SRBD1: variants seen among roughly 807,000 people sequenced by gnomAD.
SRBD1 encodes the protein S1 RNA-binding domain-containing protein 1.
Under a neutral mutation model 115.3 loss-of-function variants are expected in SRBD1, and 88 were observed. That is an observed-to-expected ratio of 0.76 (90% CI 0.64 to 0.91). SRBD1 has a LOEUF of 0.91. Ranked by LOEUF, SRBD1 falls within the 40% of genes least tolerant of loss-of-function variation. The probability of loss-of-function intolerance (pLI) is 0.00; values close to 1 mark genes in which losing one functional copy is unlikely to be tolerated. For missense variants in SRBD1, 1,385 were observed against 1,177.4 expected, an observed-to-expected ratio of 1.18 and a Z score of -2.58; for synonymous variants, 509 against 407.7, an observed-to-expected ratio of 1.25 and a Z score of -2.99.
intron 16 of SRBD1, among the ~76,000 whole-genome samples, chr2:45,457,791 C>T (rs904050397): frequency 6.6e-6 from 1 of 151,930 alleles, no homozygotes. Context: ...AGAAATTTGA[C>T]ACGTGCATTT....
intron 16 of SRBD1, among the ~76,000 whole-genome samples, chr2:45,463,028 G>A (rs924019115): frequency 1.2e-5 from 1 of 84,640 alleles, no homozygotes; most frequent in Non-Finnish European, 2.2e-5. Context: ...GGGGGGGGGG[G>A]GGGAAATCTC....
intron 14 of SRBD1, among the ~76,000 whole-genome samples, chr2:45,537,635 G>C (rs981491863): frequency 2.0e-5 from 3 of 152,148 alleles, no homozygotes; most frequent in African/African-American, 7.2e-5. Context: ...TGGGGGGAGG[G>C]ACAAGAGTTA....
chr2:45,510,517 A>G (rs150671916), intron 14 of SRBD1, among the ~76,000 whole-genome samples: 249 of 152,318 alleles, frequency 1.6e-3, no homozygotes, highest in African/African-American at 5.7e-3. Context: ...TGAGGCTCCT[A>G]TGAAAAAAAC....
intron 9 of SRBD1, among the ~76,000 whole-genome samples, chr2:45,568,510 T>C (rs915702755): frequency 1.3e-5 from 2 of 152,190 alleles, no homozygotes; most frequent in Admixed American, 6.5e-5. Flanking sequence ...AAAAAGTTCG[T>C]AAAACAGCAG....
chr2:45,418,011 A>G (rs1052643715), intron 18 of SRBD1, among the ~76,000 whole-genome samples: 2 of 152,210 alleles, frequency 1.3e-5, no homozygotes, highest in African/African-American at 4.8e-5. Context: ...CTCTGCTCAA[A>G]TAAGTTTTCA....
At chr2:45,576,675 T>C (rs1200756103) in intron 7 of SRBD1, among the ~76,000 whole-genome samples, 4 of 152,218 alleles carry the variant, frequency 2.6e-5, no homozygotes, top group Non-Finnish European at 5.9e-5. Context: ...GCTCTTCTGT[T>C]AGCTCTCTCA....
chr2:45,560,263 T>C (rs1230439210), intron 10 of SRBD1, among the ~76,000 whole-genome samples: 1 of 152,110 alleles, frequency 6.6e-6, no homozygotes, highest in African/African-American at 2.4e-5. Context: ...GTAAAAAAAT[T>C]CCTTGACATT....
chr2:45,577,844 G>C (rs1243404240), intron 7 of SRBD1, among the ~76,000 whole-genome samples: 1 of 152,022 alleles, frequency 6.6e-6, no homozygotes, highest in Non-Finnish European at 1.5e-5. Context: ...GCAGTACCTA[G>C]CTTATATAGA....
chr2:45,389,343 A>G lies in SRBD1; in HGVS notation c.2955T>C (p.Ser985=). 6.2e-7 allele frequency: 1 copy of G among 1,614,036 alleles called. No homozygotes were observed. Among genetic ancestry groups the G allele is most frequent in the Non-Finnish European group, 8.5e-7 (1 of 1,179,922 alleles). The change falls in exon 21 of 21, where the codon TCT becomes TCC. Residue 985 remains serine, a synonymous_variant. Transcript: ENST00000263736. ...CCCGAATGAGGTCCAGAGTAATCCTAGATCGGGGGATGTCAATGTTGAGTA... is the reference window on the plus strand; with the variant it reads ...CCCGAATGAGGTCCAGAGTAATCCTGGATCGGGGGATGTCAATGTTGAGTA... ...VQVLNIDIPR[S]RITLDLIRVL
intron 4 of SRBD1, among the ~76,000 whole-genome samples, chr2:45,596,922 C>A (rs1267170638): frequency 5.7e-5 from 6 of 104,716 alleles, no homozygotes; most frequent in African/African-American, 1.3e-4. Flanking sequence ...CACCCCCCCA[C>A]AACCCTAACA....
Position 45,579,247 on chromosome 2 carries a change from A to T in SRBD1, c.1072+628T>A, listed in dbSNP as rs187901156. Among the ~76,000 whole-genome samples the T allele has an allele frequency of 1.1e-4, 17 of 152,346 alleles. 1 individual carries two copies. In the East Asian group the frequency reaches 3.3e-3, roughly 29 times the overall value. On this transcript the variant is annotated intron_variant, in intron 7 of 20. Transcript: ENST00000263736. ...TTCTCTGTTGTGCATGCACACACACAAAACAGGAAGATACACTTGGAGGGA... is the reference window on the plus strand; with the variant it reads ...TTCTCTGTTGTGCATGCACACACACTAAACAGGAAGATACACTTGGAGGGA...
intron 1 of SRBD1, among the ~76,000 whole-genome samples, chr2:45,609,027 G>A (rs906914441): frequency 6.6e-6 from 1 of 151,930 alleles, no homozygotes; most frequent in Non-Finnish European, 1.5e-5. Context: ...GGCTGGTCTC[G>A]AACTCCTGGC....
intron 16 of SRBD1, among the ~76,000 whole-genome samples, chr2:45,426,312 T>C (rs903345097): frequency 2.0e-5 from 3 of 152,232 alleles, no homozygotes; most frequent in Admixed American, 6.5e-5. Flanking sequence ...TCCTCCCCTC[T>C]GGGCAGGGCA....
At chr2:45,578,752 C>A (rs1673254406) in intron 7 of SRBD1, among the ~76,000 whole-genome samples, 1 of 152,032 alleles carries the variant, frequency 6.6e-6, no homozygotes, top group South Asian at 2.1e-4. Context: ...GCTACATAGG[C>A]TGAAAAAGAC....
intron 5 of SRBD1, among the ~76,000 whole-genome samples, chr2:45,582,147 G>C (rs1011781167): frequency 5.3e-5 from 8 of 152,064 alleles, no homozygotes; most frequent in Non-Finnish European, 1.2e-4. Context: ...ACATGTAGTT[G>C]GCATGCAACT....
intron 5 of SRBD1, among the ~76,000 whole-genome samples, chr2:45,584,241 C>A (rs1673448247): frequency 6.6e-6 from 1 of 152,200 alleles, no homozygotes; most frequent in South Asian, 2.1e-4. Flanking sequence ...GGCAGACAAC[C>A]CTGCATGACA....
chr2:45,464,684 A>G (rs540381584), intron 16 of SRBD1, among the ~76,000 whole-genome samples: 50 of 152,288 alleles, frequency 3.3e-4, no homozygotes, highest in African/African-American at 1.2e-3. Context: ...ACTAAACCCA[A>G]GGGCTTGAAA....
Position 45,584,635 on chromosome 2 carries a change from A to G in SRBD1, c.815+973T>C, listed in dbSNP as rs574940688. ...TTTTGTACACTTGAAGAATGTACAC[A>G]TTAACACAGTGCCCATGGGAGACAT... On this transcript the variant is annotated intron_variant, in intron 5 of 20. Coordinates refer to ENST00000263736, the MANE Select transcript of SRBD1 (RefSeq NM_018079.5). Among the ~76,000 whole-genome samples, 90 of 152,368 alleles carry G rather than the reference A, an allele frequency of 5.9e-4. 1 individual carries two copies. Among genetic ancestry groups the G allele is most frequent in the African/African-American group, 1.7e-3 (69 of 41,594 alleles).
chr2:45,434,740 C>G (rs1176789153), intron 16 of SRBD1, among the ~76,000 whole-genome samples: 2 of 151,842 alleles, frequency 1.3e-5, no homozygotes, highest in Non-Finnish European at 2.9e-5. Context: ...GCTCCAGAAT[C>G]AAGCCTTTCT....
Sources: allele counts gnomAD v4.1 joint callset (sites outside exome capture counted in the v4.1 genomes callset), GRCh38; gene constraint gnomAD v4.1.1; transcripts MANE v1.5; gene names NCBI Gene and HGNC (gene_info 2026-07-23, HGNC 2026-07-21).